ZNF609: variants seen among roughly 807,000 people sequenced by gnomAD.
The protein encoded by ZNF609 is zinc finger protein 609.
Under a neutral mutation model 109.5 loss-of-function variants are expected in ZNF609, and 11 were observed. The ratio of observed to expected loss-of-function variants is 0.10; its 90% CI spans 0.06 to 0.17. The LOEUF (loss-of-function observed/expected upper bound fraction) is 0.17, where lower values mean the gene tolerates loss of function less well. Among genes scored for constraint, ZNF609 ranks in the 10% least tolerant of loss-of-function variants. The pLI is 1.00. For synonymous variants in ZNF609, 646 were observed against 662.0 expected, an observed-to-expected ratio of 0.98 and a Z score of 0.37; for missense variants, 1,559 against 1,772.4, an observed-to-expected ratio of 0.88 and a Z score of 2.16.
chr15:64,677,274 G>C (rs770798698), intron 5 of ZNF609, among the ~76,000 whole-genome samples: 13 of 151,944 alleles, frequency 8.6e-5, no homozygotes, highest in Admixed American at 2.6e-4. Flanking sequence ...TGTTGCCCAG[G>C]CTGGTCTTGA....
At chr15:64,680,162 C>T (rs1555426620) in intron 6 of ZNF609, 23 bp from the exon 7 acceptor site, 4 of 1,612,538 alleles carry the variant, frequency 2.5e-6, no homozygotes, top group Non-Finnish European at 3.4e-6. Context: ...ATCTCTTTGA[C>T]TGTTTGATTT....
intron 2 of ZNF609, among the ~76,000 whole-genome samples, chr15:64,513,894 C>G (rs1893769212): frequency 6.6e-6 from 1 of 151,984 alleles, no homozygotes; most frequent in African/African-American, 2.4e-5. Context: ...AAGTTCAAGA[C>G]CAGCCTGAGC....
At chr15:64,538,034 AGGCGGAAGTTGC>A (rs1685222236) in intron 2 of ZNF609, among the ~76,000 whole-genome samples, 2 of 151,976 alleles carry the variant, frequency 1.3e-5, no homozygotes, top group South Asian at 4.2e-4. Flanking sequence ...TGAACCTGGG[AGGCGGAAGTTGC>A]GGTGAGCCGA....
chr15:64,674,302 C>T lies in ZNF609; in HGVS notation c.1448C>T (p.Thr483Ile). ...CTTCCTGGGACAAAGGTAGAACCCA[C>T]TGTTCTGGACAGAAACTGCCCCTCC... is the stretch of plus-strand genomic sequence containing the variant. ...GPLPGTKVEP[T>I]VLDRNCPSPV... The change falls in exon 5 of 10, where the codon ACT becomes ATT. Residue 483 changes from threonine to isoleucine, a missense_variant. Physicochemically the swap from Thr to Ile is moderately conservative, Grantham distance 89. Transcript: ENST00000326648. 1 of 1,614,204 alleles carries T rather than the reference C, an allele frequency of 6.2e-7. No homozygotes were observed. Among genetic ancestry groups the T allele is most frequent in the Non-Finnish European group, 8.5e-7 (1 of 1,180,036 alleles).
chr15:64,680,143 A>C (rs372160934), intron 6 of ZNF609, 42 bp from the exon 7 acceptor site: 1 of 1,604,074 alleles, frequency 6.2e-7, no homozygotes, highest in Non-Finnish European at 8.5e-7. Flanking sequence ...AGTTTCCTCT[A>C]CCTCTCCCAT....
chr15:64,533,091 C>T (rs1219198388), intron 2 of ZNF609, among the ~76,000 whole-genome samples: 2 of 151,408 alleles, frequency 1.3e-5, no homozygotes, highest in Non-Finnish European at 2.9e-5. Context: ...TGCTCTGTCA[C>T]CAAGGCTGGA....
At chr15:64,644,719 G>A (rs1185146868) in intron 3 of ZNF609, among the ~76,000 whole-genome samples, 1 of 152,190 alleles carries the variant, frequency 6.6e-6, no homozygotes, top group African/African-American at 2.4e-5. Flanking sequence ...CAAGTGACCT[G>A]CAATGCCATC....
At chr15:64,474,598 A>G (rs1250744428) in intron 1 of ZNF609, among the ~76,000 whole-genome samples, 1 of 152,164 alleles carries the variant, frequency 6.6e-6, no homozygotes, top group Non-Finnish European at 1.5e-5. Flanking sequence ...TGCATACTAC[A>G]TACAACTGCT....
rs749171461 is a variant in ZNF609, at chr15:64,680,906, TTTTG to T, written c.4162+48_4162+51del. On this transcript the variant is annotated intron_variant, in intron 8 of 9. Coordinates refer to ENST00000326648, the MANE Select transcript of ZNF609 (RefSeq NM_015042.2). ...CCACCTGTTGTTTTGTCTTGTTTTG[TTTTG>T]TTTATCTTCATCCCAGTAGTAATGT... 10 of 1,597,270 alleles carry T rather than the reference TTTTG, an allele frequency of 6.3e-6. No homozygotes were observed. The Admixed American group carries it at 1.3e-4, about 21-fold the overall frequency.
intron 2 of ZNF609, among the ~76,000 whole-genome samples, chr15:64,608,905 A>AT (rs1567028143): frequency 6.6e-6 from 1 of 151,358 alleles, no homozygotes; most frequent in Admixed American, 6.6e-5. Context: ...TGCCCAGCTA[A>AT]TTTTTTTTAT....
At chr15:64,663,091 G>C (rs1270387259) in intron 3 of ZNF609, among the ~76,000 whole-genome samples, 1 of 152,168 alleles carries the variant, frequency 6.6e-6, no homozygotes, top group Admixed American at 6.5e-5. Context: ...GATAGGATAT[G>C]AGAGGTTTTA....
chr15:64,664,404 G>A (rs551879453), intron 3 of ZNF609, among the ~76,000 whole-genome samples: 1 of 152,264 alleles, frequency 6.6e-6, no homozygotes, highest in East Asian at 1.9e-4. Context: ...CTGAAAGTAA[G>A]ATTCTAGAGA....
intron 2 of ZNF609, among the ~76,000 whole-genome samples, chr15:64,583,230 A>T (rs1339885805): frequency 6.6e-6 from 1 of 151,624 alleles, no homozygotes. Context: ...ACGGGGTTTC[A>T]TCATCTTGGC....
chr15:64,680,764 G>A lies in ZNF609; in HGVS notation c.4064G>A (p.Arg1355His), dbSNP rs887294119. The change falls in exon 8 of 10, where the codon CGC (arginine) becomes CAC (histidine). Residue 1355 changes from arginine to histidine, a missense_variant. By Grantham distance (29) the Arg-to-His change is conservative. Coordinates refer to ENST00000326648, the MANE Select transcript of ZNF609 (RefSeq NM_015042.2). The part of the protein sequence containing the change: ...SGGERSVDRP[R>H]TSPSQRLMST... ...GGTGAACGGAGTGTTGACCGGCCCC[G>A]CACCTCTCCTTCCCAGCGCCTGATG... is the stretch of plus-strand genomic sequence containing the variant. The A allele has an allele frequency of 1.1e-5, 18 of 1,613,452 alleles. No individual in the cohort carries two copies. The highest frequency in any genetic ancestry group is 2.2e-5 in the East Asian group (1 of 44,888).
intron 4 of ZNF609, chr15:64,671,465 G>A (rs1290330317): frequency 1.3e-5 from 2 of 152,134 alleles, no homozygotes; most frequent in African/African-American, 2.4e-5. Context: ...CTAACCATGG[G>A]TGAGCAAACA....
chr15:64,523,443 A>G (rs1251637316), intron 2 of ZNF609, among the ~76,000 whole-genome samples: 6 of 152,186 alleles, frequency 3.9e-5, no homozygotes, highest in African/African-American at 9.7e-5. Context: ...AGAGCCTGAC[A>G]TAAGAATTTC....
At position 64,620,663 on chromosome 15, in the gene ZNF609, G is replaced by A. The variant is rs551522005; in HGVS notation, c.748-2164G>A. Reference sequence around the variant, plus strand: ...GGAAGTACAAGGGGTGTGTGTGTGAGACAAGCAGACAAGGATGTTTTGGCA... The same window carrying A: ...GGAAGTACAAGGGGTGTGTGTGTGAAACAAGCAGACAAGGATGTTTTGGCA... On this transcript the variant is annotated intron_variant, in intron 2 of 9. Coordinates refer to ENST00000326648, the MANE Select transcript of ZNF609 (RefSeq NM_015042.2). Among the ~76,000 whole-genome samples the A allele has an allele frequency of 2.0e-5, 3 of 152,320 alleles. No homozygotes were observed. The South Asian group carries it at 6.2e-4, about 32-fold the overall frequency.
At position 64,675,318 on chromosome 15, in the gene ZNF609, C is replaced by T; in HGVS notation, c.2464C>T (p.Leu822=). 6.2e-7 allele frequency: 1 copy of T among 1,614,144 alleles called. No homozygotes were observed. Among genetic ancestry groups the T allele is most frequent in the Non-Finnish European group, 8.5e-7 (1 of 1,180,004 alleles). ...RLENTTPTQP[L]TPLHVVTQNG... is the part of the protein sequence containing the mutation. ...TGAAAACACTACCCCTACTCAGCCC[C>T]TGACTCCCTTACATGTGGTGACCCA... Residue 822 remains leucine (L), a synonymous_variant, in exon 5 of 10, where the codon CTG becomes TTG. Coordinates refer to ENST00000326648, the MANE Select transcript of ZNF609 (RefSeq NM_015042.2).
chr15:64,515,254 G>A (rs973387137), intron 2 of ZNF609, among the ~76,000 whole-genome samples: 2 of 152,162 alleles, frequency 1.3e-5, no homozygotes, highest in African/African-American at 4.8e-5. Flanking sequence ...AGATGACACT[G>A]CTGTGAATAG....
Sources: gnomAD v4.1 joint callset for allele counts (sites outside exome capture counted in the v4.1 genomes callset) on GRCh38, gnomAD v4.1.1 for gene constraint, MANE v1.5 for transcripts, NCBI Gene and HGNC (gene_info 2026-07-23, HGNC 2026-07-21) for gene names.